The following NBPF26 variants were observed in gnomAD, a reference collection of about 807,000 sequenced individuals.
NBPF26 encodes the protein NBPF family member NBPF26.
NBPF26 carries 79 observed loss-of-function variants against 119.6 expected under a neutral mutation model. The observed-to-expected ratio is 0.66, with a 90% CI of 0.55 to 0.80. The LOEUF is 0.80. Ranked by LOEUF, NBPF26 falls within the 30% of genes least tolerant of loss-of-function variation. The pLI is 0.00. For synonymous variants in NBPF26, 299 were observed against 457.7 expected, an observed-to-expected ratio of 0.65 and a Z score of 4.43; for missense variants, 800 against 1,198.2, an observed-to-expected ratio of 0.67 and a Z score of 4.91.
rs1651214109 is a variant in NBPF26, at chr1:120,768,113, A to G, written c.155+4404A>G. On this transcript the variant is annotated intron_variant, in intron 2 of 29. Transcript: ENST00000620612. Reference sequence around the variant, plus strand: ...AAGATTGGCAGATCATCTTGATCCTATGGATGCTAGGTTTTAGGACACGTT... The same window carrying G: ...AAGATTGGCAGATCATCTTGATCCTGTGGATGCTAGGTTTTAGGACACGTT... Among the ~76,000 whole-genome samples, 2 of 104,090 alleles carry G rather than the reference A, an allele frequency of 1.9e-5. 1 individual carries two copies. 68.3% of individuals were successfully genotyped at this position (104,090 alleles called of 152,430 possible).
chr1:120,763,921 A>T (rs1651160415), intron 2 of NBPF26, among the ~76,000 whole-genome samples: 2 of 106,300 alleles, frequency 1.9e-5, no homozygotes, highest in South Asian at 5.7e-4. Context: ...CTTTCTCACT[A>T]TGAAAAAGAC....
At chr1:120,816,958 G>A in intron 14 of NBPF26, 131 bp downstream of exon 14, 11 of 1,154,112 alleles carry the variant, frequency 9.5e-6, no homozygotes, top group Non-Finnish European at 1.2e-5. Context: ...ATATCAGGGA[G>A]TTTTTTGTCC....
chr1:120,793,380 G>C lies in NBPF26; in HGVS notation c.635G>C (p.Gly212Ala). The change falls in exon 4 of 30, where the codon GGC (glycine) becomes GCC (alanine). Residue 212 changes from glycine to alanine, a missense_variant. Coordinates refer to ENST00000620612, the Ensembl canonical transcript of NBPF26. ...TCCTACCAGTGCCAGTGCCTTCAGGGCTTCACAGGCCAGTACTGTGACAGA... is the reference window on the plus strand; with the variant it reads ...TCCTACCAGTGCCAGTGCCTTCAGGCCTTCACAGGCCAGTACTGTGACAGA... 1.5e-5 allele frequency: 21 copies of C among 1,434,610 alleles called. 5 individuals carry two copies. Among genetic ancestry groups the C allele is most frequent in the Non-Finnish European group, 2.0e-5 (21 of 1,072,832 alleles). 88.9% of individuals were successfully genotyped at this position (1,434,610 alleles called of 1,614,324 possible).
rs1200496588 is a variant in NBPF26, at chr1:120,806,579, C to T, written c.961+814C>T. On this transcript the variant is annotated intron_variant, in intron 5 of 29. Coordinates refer to ENST00000620612, the Ensembl canonical transcript of NBPF26. ...TTGAACTCCAGCATGGGTGACAGGG[C>T]AAGACTCGTCAAAAAACAAACAAAC... Among the ~76,000 whole-genome samples, 6 of 124,780 alleles carry T rather than the reference C, an allele frequency of 4.8e-5. 1 individual carries two copies. The highest frequency in any genetic ancestry group is 4.9e-5 in the Non-Finnish European group (3 of 61,230). The allele number at this position is 124,780 out of a possible 152,430, so 81.9% of individuals were successfully genotyped here. A position where few individuals can be genotyped will look rare whatever the true frequency, so the allele number is the denominator to read the frequency against.
Position 120,807,862 on chromosome 1 carries a change from A to T in NBPF26, c.1064+153A>T, listed in dbSNP as rs1231378952. On this transcript the variant is annotated intron_variant, in intron 6 of 29. Transcript: ENST00000620612. ...CTACACACAAATATTTATCAAACAG[A>T]GAAGGAGGATAGTAAAAATGTATGG... Among the ~76,000 whole-genome samples the T allele has an allele frequency of 1.7e-5, 2 of 119,694 alleles. 1 individual carries two copies. Among genetic ancestry groups the T allele is most frequent in the African/African-American group, 8.3e-5 (2 of 24,086 alleles). 78.5% of individuals were successfully genotyped at this position (119,694 alleles called of 152,430 possible).
At position 120,755,665 on chromosome 1, in the gene NBPF26, AT is replaced by A. The variant is rs1237405045; in HGVS notation, c.74-7956del. On this transcript the variant is annotated intron_variant, in intron 1 of 29. Coordinates refer to ENST00000620612, the Ensembl canonical transcript of NBPF26. Reference sequence around the variant, plus strand: ...CTAGATTTATCAGCTAACTGGAATGATTTTTTTATAGTATGAAAAGTCTATT... The same window carrying A: ...CTAGATTTATCAGCTAACTGGAATGATTTTTTATAGTATGAAAAGTCTATT... Among the ~76,000 whole-genome samples the A allele has an allele frequency of 4.4e-5, 4 of 91,802 alleles. 1 individual carries two copies. The highest frequency in any genetic ancestry group is 1.6e-4 in the African/African-American group (2 of 12,762). 60.2% of individuals were successfully genotyped at this position (91,802 alleles called of 152,430 possible).
rs1165474329 is a variant in NBPF26, at chr1:120,814,786, C to T, written c.1878-43C>T. The T allele has an allele frequency of 1.2e-4, 142 of 1,222,802 alleles. 27 individuals are homozygous for T. The highest frequency in any genetic ancestry group is 8.0e-4 in the Middle Eastern group (3 of 3,772). The allele number at this position is 1,222,802 out of a possible 1,614,324, so 75.7% of individuals were successfully genotyped here. On this transcript the variant is annotated intron_variant, in intron 11 of 29. Coordinates refer to ENST00000620612, the Ensembl canonical transcript of NBPF26. ...TGTTGCAATATTTGAGCGGATCACT[C>T]AACCCTTTCTACTCTTAAATTTTCT...
intron 1 of NBPF26, among the ~76,000 whole-genome samples, chr1:120,752,587 T>C (rs1165349834): frequency 2.5e-3 from 100 of 40,106 alleles, no homozygotes; most frequent in African/African-American, 6.1e-3. Context: ...TTTTTTTTTT[T>C]TCAGGCAGAG....
Position 120,840,597 on chromosome 1 carries a change from G to T in NBPF26, c.*4G>T, listed in dbSNP as rs1553273585. On this transcript the variant is annotated 3_prime_UTR_variant, in exon 30 of 30. Transcript: ENST00000620612. ...GGGAGTCATATTCCCACAATAAGCA[G>T]CCCTTACTAAGCCGAGAGGTGTCAT... is the stretch of plus-strand genomic sequence containing the variant. 19 of 1,462,500 alleles carry T rather than the reference G, an allele frequency of 1.3e-5. 2 individuals carry two copies. Among genetic ancestry groups the T allele is most frequent in the Non-Finnish European group, 1.8e-5 (19 of 1,085,198 alleles). The allele number at this position is 1,462,500 out of a possible 1,614,324, so 90.6% of individuals were successfully genotyped here. A position where few individuals can be genotyped will look rare whatever the true frequency, so the allele number is the denominator to read the frequency against.
intron 1 of NBPF26, among the ~76,000 whole-genome samples, chr1:120,755,583 A>G (rs1319901259): frequency 1.1e-5 from 1 of 91,104 alleles, no homozygotes; most frequent in Non-Finnish European, 1.9e-5. Flanking sequence ...TTTTTTTGCA[A>G]TAAGTTCAAT....
rs1326982737 is a variant in NBPF26, at chr1:120,756,438, C to T, written c.74-7190C>T. The stretch of plus-strand genomic sequence containing the variant: ...TTTTAGGAGCCTCAGACAGTCAAGA[C>T]GTTAAAATACCTTCCGATTGAGCAG... On this transcript the variant is annotated intron_variant, in intron 1 of 29. Transcript: ENST00000620612. 2.6e-5 allele frequency among the ~76,000 whole-genome samples: 3 copies of T among 117,588 alleles called. 1 individual carries two copies. The highest frequency in any genetic ancestry group is 4.9e-5 in the Non-Finnish European group (3 of 61,248). The allele number at this position is 117,588 out of a possible 152,430, so 77.1% of individuals were successfully genotyped here. A position where few individuals can be genotyped will look rare whatever the true frequency, so the allele number is the denominator to read the frequency against.
chr1:120,806,984 G>A (rs1423142343), intron 5 of NBPF26, among the ~76,000 whole-genome samples: 1 of 127,980 alleles, frequency 7.8e-6, no homozygotes, highest in Non-Finnish European at 1.6e-5. Context: ...CTAAGCTTAT[G>A]CTGTTTCTAA....
At chr1:120,793,643 T>A in intron 4 of NBPF26, 147 bp downstream of exon 4, 2 of 607,422 alleles carry the variant, frequency 3.3e-6, no homozygotes, top group Non-Finnish European at 5.8e-6. Flanking sequence ...GAGGGAGGAG[T>A]TTTATGGGCC....
Position 120,816,813 on chromosome 1 carries a change from T to C in NBPF26, c.2357T>C (p.Val786Ala), listed in dbSNP as rs1213954797. ...TCTCATGTTGAATGGGAGGATGCTGTACACATTATTCCAGGTAGCCTCTGT... is the reference window on the plus strand; with the variant it reads ...TCTCATGTTGAATGGGAGGATGCTGCACACATTATTCCAGGTAGCCTCTGT... Residue 786 changes from valine to alanine, a missense_variant, in exon 14 of 30, where the codon GTA (valine) becomes GCA (alanine). Physicochemically the swap from Val to Ala is moderately conservative, Grantham distance 64 (BLOSUM62 0). This residue lies in a region of NBPF26 where 59 missense variants were observed against 112.3 expected (regional missense o/e 0.53). Coordinates refer to ENST00000620612, the Ensembl canonical transcript of NBPF26. 1.6e-5 allele frequency: 23 copies of C among 1,445,772 alleles called. 7 individuals are homozygous for C. Among genetic ancestry groups the C allele is most frequent in the Non-Finnish European group, 2.0e-5 (22 of 1,081,018 alleles). The allele number at this position is 1,445,772 out of a possible 1,614,324, so 89.6% of individuals were successfully genotyped here.
chr1:120,787,683 AC>A (rs1325801785), intron 3 of NBPF26, among the ~76,000 whole-genome samples: 1 of 35,214 alleles, frequency 2.8e-5, no homozygotes, highest in South Asian at 8.5e-4. Flanking sequence ...GGTCATAATT[AC>A]ACCTGATGTA....
At position 120,823,320 on chromosome 1, in the gene NBPF26, G is replaced by A. The variant is rs1553272246; in HGVS notation, c.2599G>A (p.Asp867Asn). The change falls in exon 17 of 30, where the codon GAT (aspartate) becomes AAT (asparagine). Residue 867 changes from aspartate to asparagine, a missense_variant. By Grantham distance (23) the Asp-to-Asn change is conservative. Transcript: ENST00000620612. Reference sequence around the variant, plus strand: ...GAATTTATTTGCAGGACATCGGTGGGATCAAGTGAAAAAGGAGGACCACGA... The same window carrying A: ...GAATTTATTTGCAGGACATCGGTGGAATCAAGTGAAAAAGGAGGACCACGA... 79 of 1,411,726 alleles carry A rather than the reference G, an allele frequency of 5.6e-5. 16 individuals carry two copies. In the Admixed American group the frequency reaches 7.7e-4, roughly 14 times the overall value. The allele number at this position is 1,411,726 out of a possible 1,614,324, so 87.4% of individuals were successfully genotyped here.
At chr1:120,819,389 G>T (rs1460452114) in intron 15 of NBPF26, among the ~76,000 whole-genome samples, 1 of 110,094 alleles carries the variant, frequency 9.1e-6, no homozygotes, top group Non-Finnish European at 1.7e-5. Context: ...ATGTGAGATG[G>T]GTTTCCTGAG....
At chr1:120,792,542 C>T (rs1651503208) in intron 3 of NBPF26, among the ~76,000 whole-genome samples, 1 of 111,568 alleles carries the variant, frequency 9.0e-6, no homozygotes, top group East Asian at 2.2e-4. Context: ...TGCTGTGTCG[C>T]CCAGGCTGGA....
rs1369594912 is a variant in NBPF26 at position 120,778,263 on chromosome 1, C to T, written c.156-6711C>T. Among the ~76,000 whole-genome samples, 2 of 51,342 alleles carry T rather than the reference C, an allele frequency of 3.9e-5. 1 individual carries two copies. The highest frequency in any genetic ancestry group is 3.7e-4 in the Admixed American group (2 of 5,400). The allele number at this position is 51,342 out of a possible 152,430, so 33.7% of individuals were successfully genotyped here. ...CCTCATTTACCTTAATGACAGCTCC[C>T]CCCTCTAGAGCTCAGCTAGGGCAGG... On this transcript the variant is annotated intron_variant, in intron 2 of 29. Transcript: ENST00000620612.
Sources: gnomAD v4.1 joint callset for allele counts (sites outside exome capture counted in the v4.1 genomes callset) on GRCh38, gnomAD v4.1.1 for gene constraint, gnomAD v4.1.1 regional missense constraint, MANE v1.5 for transcripts, NCBI Gene and HGNC (gene_info 2026-07-23, HGNC 2026-07-21) for gene names.